MDN1: variants seen among roughly 807,000 people sequenced by gnomAD.
MDN1 encodes the protein midasin AAA ATPase 1, also known as midasin.
A neutral mutation model predicts 669.2 loss-of-function variants in MDN1; 266 were observed. The observed-to-expected ratio is 0.40, with a 90% CI of 0.36 to 0.44. MDN1 has a LOEUF of 0.44. Ranked by LOEUF, MDN1 falls within the 20% of genes least tolerant of loss-of-function variation. MDN1 has a pLI of 1.00. For missense variants in MDN1, 5,940 were observed against 6,754.0 expected, an observed-to-expected ratio of 0.88 and a Z score of 4.22; for synonymous variants, 2,385 against 2,457.1, an observed-to-expected ratio of 0.97 and a Z score of 0.87.
chr6:89,736,068 GT>G (rs1430614628), intron 33 of MDN1, among the ~76,000 whole-genome samples: 1 of 152,154 alleles, frequency 6.6e-6, no homozygotes, highest in African/African-American at 2.4e-5. Flanking sequence ...GCTTTGTCTA[GT>G]TTCCTGTTTT....
chr6:89,719,366 C>T (rs1383285072), intron 40 of MDN1, 141 bp from the exon 41 acceptor site: 1 of 677,774 alleles, frequency 1.5e-6, no homozygotes, highest in Non-Finnish European at 2.5e-6. Context: ...TGAATTTTCT[C>T]TTATAAAAAG....
In MDN1 at chr6:89,734,830, C is replaced by G. The variant is rs147912227; in HGVS notation, c.4724-2055G>C. Among the ~76,000 whole-genome samples the G allele has an allele frequency of 2.1e-3, 318 of 151,794 alleles. 4 individuals are homozygous for G. Among genetic ancestry groups the G allele is most frequent in the African/African-American group, 7.2e-3 (299 of 41,406 alleles). ...CTGACCTTATCTAAGGAGAACTATA[C>G]AGTTTCTTATCTCCACTTTTAGAAT... On this transcript the variant is annotated intron_variant, in intron 33 of 101. Transcript: ENST00000369393.
chr6:89,802,387 T>C (rs773383849), intron 2 of MDN1, among the ~76,000 whole-genome samples: 22 of 152,144 alleles, frequency 1.4e-4, no homozygotes, highest in Non-Finnish European at 2.9e-4. Context: ...ACACTGGATA[T>C]AAGAAATGTT....
chr6:89,817,449 A>G (rs558727934), intron 1 of MDN1, among the ~76,000 whole-genome samples: 11 of 152,310 alleles, frequency 7.2e-5, no homozygotes, highest in Middle Eastern at 3.4e-3. Context: ...CATACTCTCA[A>G]TCAACTACTG....
intron 31 of MDN1, among the ~76,000 whole-genome samples, chr6:89,742,761 G>A (rs1224006141): frequency 6.6e-6 from 1 of 152,076 alleles, no homozygotes; most frequent in Non-Finnish European, 1.5e-5. Flanking sequence ...AAGAGAGTAG[G>A]GATATAATTC....
intron 91 of MDN1, among the ~76,000 whole-genome samples, chr6:89,656,381 A>AAATT (rs2128299795): frequency 1.3e-5 from 2 of 152,304 alleles, no homozygotes; most frequent in South Asian, 4.1e-4. Context: ...CTTACTCTTA[A>AAATT]AAAAGCAAAA....
rs1424206618 is a variant in MDN1 at position 89,656,602 on chromosome 6, GAGTAT to G, written c.15285+93_15285+97del. On this transcript the variant is annotated intron_variant, in intron 91 of 101. Transcript: ENST00000369393. ...GATGCAACAACAACAAAAAAACCAGGAGTATAGCTTTTTTTTTTTTTTTTTAAAGC... is the reference window on the plus strand; with the variant it reads ...GATGCAACAACAACAAAAAAACCAGGAGCTTTTTTTTTTTTTTTTTAAAGC... 5.3e-6 allele frequency: 5 copies of G among 943,764 alleles called. No individual in the cohort carries two copies. The African/African-American group carries it at 8.6e-5, about 16-fold the overall frequency. The allele number at this position is 943,764 out of a possible 1,614,324, so 58.5% of individuals were successfully genotyped here.
intron 85 of MDN1, among the ~76,000 whole-genome samples, 157 bp downstream of exon 85, chr6:89,664,330 T>C (rs1448142170): frequency 3.9e-5 from 6 of 152,218 alleles, no homozygotes; most frequent in Non-Finnish European, 7.3e-5. Context: ...GAGGTGGTGA[T>C]AGCACATGCA....
chr6:89,669,026 G>C (rs1174554534), intron 83 of MDN1, among the ~76,000 whole-genome samples: 1 of 152,198 alleles, frequency 6.6e-6, no homozygotes, highest in Non-Finnish European at 1.5e-5. Context: ...TTCAGAAATA[G>C]ACAAAGAATA....
In MDN1 at chr6:89,781,601, G is replaced by C. The variant is rs540971569; in HGVS notation, c.1450-9C>G. The C allele has an allele frequency of 5.1e-4, 787 of 1,547,528 alleles. No individual in the cohort carries two copies. The highest frequency in any genetic ancestry group is 6.2e-4 in the Non-Finnish European group (713 of 1,147,924). On this transcript the variant is annotated splice_polypyrimidine_tract_variant and intron_variant, in intron 9 of 101. Coordinates refer to ENST00000369393, the MANE Select transcript of MDN1 (RefSeq NM_014611.3). ...TATCTGCTCTGAAGAACCTGACAGAGGGGGAAAAAAAAGAAAATTTAACAG... is the reference window on the plus strand; with the variant it reads ...TATCTGCTCTGAAGAACCTGACAGACGGGGAAAAAAAAGAAAATTTAACAG...
chr6:89,731,524 C>G (rs1191769957), intron 34 of MDN1, among the ~76,000 whole-genome samples: 2 of 152,098 alleles, frequency 1.3e-5, no homozygotes, highest in African/African-American at 4.8e-5. Context: ...AAACCAAACA[C>G]CACATGTTCT....
At chr6:89,812,477 C>T (rs1340942027) in intron 1 of MDN1, among the ~76,000 whole-genome samples, 1 of 151,988 alleles carries the variant, frequency 6.6e-6, no homozygotes, top group African/African-American at 2.4e-5. Context: ...TAACAAAATT[C>T]ATCAATTTCC....
chr6:89,801,823 G>A (rs1037162038), intron 2 of MDN1, among the ~76,000 whole-genome samples: 1 of 151,474 alleles, frequency 6.6e-6, no homozygotes, highest in Non-Finnish European at 1.5e-5. Context: ...TTAGCCAGGT[G>A]TAGTGATGTG....
chr6:89,816,802 G>A (rs1028174269), intron 1 of MDN1, among the ~76,000 whole-genome samples: 1 of 151,690 alleles, frequency 6.6e-6, no homozygotes, highest in African/African-American at 2.4e-5. Context: ...AGCCACCTGA[G>A]TAGCTGGGAC....
Position 89,692,972 on chromosome 6 carries a change from G to A in MDN1, c.10058C>T (p.Ala3353Val). The change falls in exon 63 of 102, where the codon GCC becomes GTC. Residue 3353 changes from alanine (A) to valine (V), a missense_variant. Physicochemically the swap from Ala to Val is moderately conservative, Grantham distance 64. This residue lies in a region of MDN1 where 150 missense variants were observed against 234.2 expected (regional missense o/e 0.64). Transcript: ENST00000369393. ...VQDLLTRLLQ[A>V]LHIDGPRSAQ... ...AGACCGTGGCCCATCTATGTGGAGGGCCTGCAGAAGCCGTGTGAGCAGATC... is the reference window on the plus strand; with the variant it reads ...AGACCGTGGCCCATCTATGTGGAGGACCTGCAGAAGCCGTGTGAGCAGATC... 1 of 1,614,184 alleles carries A rather than the reference G, an allele frequency of 6.2e-7. No individual in the cohort carries two copies. Among genetic ancestry groups the A allele is most frequent in the Non-Finnish European group, 8.5e-7 (1 of 1,180,012 alleles).
intron 11 of MDN1, among the ~76,000 whole-genome samples, chr6:89,778,749 G>C (rs1277445637): frequency 6.6e-6 from 1 of 151,792 alleles, no homozygotes; most frequent in African/African-American, 2.4e-5. Flanking sequence ...AGCTGGGTGT[G>C]GTGGTGGGCG....
At chr6:89,737,607 T>G (rs1816059190) in intron 33 of MDN1, among the ~76,000 whole-genome samples, 1 of 152,132 alleles carries the variant, frequency 6.6e-6, no homozygotes. Context: ...TTATGGATAC[T>G]AATCTATTTT....
In MDN1 at chr6:89,718,896, C is replaced by A; in HGVS notation, c.6192G>T (p.Leu2064=). The part of the protein sequence containing the change: ...KCVQMSWMVI[L]VGPASVGKTS... Reference sequence around the variant, plus strand: ...TCTTGCCCACAGAGGCTGGCCCGACCAGGATGACCATCCAGCTCATCTGCA... The same window carrying A: ...TCTTGCCCACAGAGGCTGGCCCGACAAGGATGACCATCCAGCTCATCTGCA... Residue 2064 remains leucine, a synonymous_variant, in exon 42 of 102, where the codon CTG becomes CTT. Transcript: ENST00000369393. 6.2e-7 allele frequency: 1 copy of A among 1,614,146 alleles called. No homozygotes were observed. The highest frequency in any genetic ancestry group is 8.5e-7 in the Non-Finnish European group (1 of 1,180,034).
intron 27 of MDN1, among the ~76,000 whole-genome samples, chr6:89,746,464 C>A (rs939438761): frequency 6.6e-6 from 1 of 151,862 alleles, no homozygotes; most frequent in African/African-American, 2.4e-5. Flanking sequence ...TGCCTGTAAT[C>A]CCAGCTACTT....
Sources: gnomAD v4.1 joint callset for allele counts (sites outside exome capture counted in the v4.1 genomes callset) on GRCh38, gnomAD v4.1.1 for gene constraint, gnomAD v4.1.1 regional missense constraint, MANE v1.5 for transcripts, NCBI Gene and HGNC (gene_info 2026-07-23, HGNC 2026-07-21) for gene names.